The following PTPRE variants were observed in gnomAD, a reference collection of about 807,000 sequenced individuals.
The protein encoded by PTPRE is receptor-type tyrosine-protein phosphatase epsilon.
Under a neutral mutation model 102.0 loss-of-function variants are expected in PTPRE, and 51 were observed. The ratio of observed to expected loss-of-function variants is 0.50; its 90% CI spans 0.40 to 0.63. The LOEUF (loss-of-function observed/expected upper bound fraction) is 0.63. Ranked by LOEUF, PTPRE falls within the 30% of genes least tolerant of loss-of-function variation. The pLI, the probability that PTPRE is intolerant of heterozygous loss-of-function variation, is 0.00. For synonymous variants in PTPRE, 345 were observed against 348.2 expected, an observed-to-expected ratio of 0.99 and a Z score of 0.10; for missense variants, 752 against 915.1, an observed-to-expected ratio of 0.82 and a Z score of 2.30.
At chr10:128,055,930 G>A (rs965424585) in intron 6 of PTPRE, among the ~76,000 whole-genome samples, 193 bp from the exon 7 acceptor site, 2 of 152,194 alleles carry the variant, frequency 1.3e-5, no homozygotes, top group East Asian at 1.9e-4. Context: ...GAGCACCCTG[G>A]GGAAAGCCAG....
intron 1 of PTPRE, among the ~76,000 whole-genome samples, chr10:127,949,629 A>G (rs1209145054): frequency 6.6e-6 from 1 of 152,218 alleles, no homozygotes; most frequent in East Asian, 1.9e-4. Flanking sequence ...GGTTGCTCCT[A>G]GCACGGCTAA....
chr10:128,015,173 C>G (rs1467280199), intron 2 of PTPRE, among the ~76,000 whole-genome samples: 1 of 152,152 alleles, frequency 6.6e-6, no homozygotes, highest in Admixed American at 6.5e-5. Flanking sequence ...GCATTCATAG[C>G]AAAGACCTGT....
rs542469646 is a variant in PTPRE, at chr10:127,942,836, G to T, written c.-31+35527G>T. ...CAGTGTAAATGCACGTAATGCCCCT[G>T]AACTGTACACTCAAAAAGGGTTGAA... On this transcript the variant is annotated intron_variant, in intron 1 of 20. Coordinates refer to ENST00000254667, the MANE Select transcript of PTPRE (RefSeq NM_006504.6). Among the ~76,000 whole-genome samples the T allele has an allele frequency of 5.3e-5, 8 of 152,290 alleles. No homozygotes were observed. The South Asian group carries it at 1.7e-3, about 32-fold the overall frequency.
At chr10:128,020,022 C>CTGTGTGTGTG (rs34036600) in intron 2 of PTPRE, among the ~76,000 whole-genome samples, 1 of 150,696 alleles carries the variant, frequency 6.6e-6, no homozygotes, top group African/African-American at 2.4e-5. Context: ...AGGGTGGAGG[C>CTGTGTGTGTG]TGTGTGTGTG....
At chr10:127,909,505 G>A (rs12217409) in intron 1 of PTPRE, among the ~76,000 whole-genome samples, 32,597 of 152,002 alleles carry the variant, frequency 0.21, 3,847 homozygotes, top group African/African-American at 0.31. Context: ...GTTCTCCTCC[G>A]CAGCTGCCCA....
At chr10:128,071,993 T>G (rs1391884931) in intron 15 of PTPRE, 145 bp from the exon 16 acceptor site, 8 of 597,234 alleles carry the variant, frequency 1.3e-5, no homozygotes, top group Non-Finnish European at 2.3e-5. Flanking sequence ...AATTATCGTC[T>G]CTCATAACGT....
chr10:127,919,088 C>CT, intron 1 of PTPRE, among the ~76,000 whole-genome samples: 1 of 152,316 alleles, frequency 6.6e-6, no homozygotes, highest in Non-Finnish European at 1.5e-5. Flanking sequence ...AGGTACCATT[C>CT]TGTGCTGGGC....
At chr10:127,923,772 A>G (rs543373999) in intron 1 of PTPRE, among the ~76,000 whole-genome samples, 1 of 152,334 alleles carries the variant, frequency 6.6e-6, no homozygotes, top group East Asian at 1.9e-4. Flanking sequence ...TTAACACAGG[A>G]TTCAAACCAC....
intron 1 of PTPRE, among the ~76,000 whole-genome samples, chr10:127,982,024 G>A (rs746933657): frequency 1.8e-4 from 28 of 152,100 alleles, no homozygotes; most frequent in Non-Finnish European, 3.5e-4. Flanking sequence ...TTGGGGGCTA[G>A]GTCAGTGGCC....
chr10:128,016,483 T>A (rs1050701546), intron 2 of PTPRE, among the ~76,000 whole-genome samples: 85 of 146,082 alleles, frequency 5.8e-4, no homozygotes, highest in African/African-American at 2.1e-3. Context: ...CCTGGCCAAT[T>A]TTTTTTTTTT....
intron 2 of PTPRE, among the ~76,000 whole-genome samples, chr10:128,000,114 A>G (rs560914720): frequency 6.6e-6 from 1 of 152,174 alleles, no homozygotes; most frequent in Admixed American, 6.5e-5. Context: ...TAGGAATGTC[A>G]CAGCAGTTCT....
chr10:127,934,366 G>A (rs1847674712), intron 1 of PTPRE: 1 of 152,170 alleles, frequency 6.6e-6, no homozygotes, highest in African/African-American at 2.4e-5. Flanking sequence ...TGAAGAGAGA[G>A]TCAGACTCCC....
At chr10:127,985,544 A>G (rs911367298) in intron 2 of PTPRE, among the ~76,000 whole-genome samples, 2 of 152,108 alleles carry the variant, frequency 1.3e-5, no homozygotes, top group Middle Eastern at 3.2e-3. Context: ...GGATTGTGCC[A>G]CTGCACTCCA....
chr10:127,971,224 A>G (rs949965133), intron 1 of PTPRE, among the ~76,000 whole-genome samples: 2 of 152,224 alleles, frequency 1.3e-5, no homozygotes, highest in Non-Finnish European at 2.9e-5. Flanking sequence ...GCGCATTGGA[A>G]CAAATGGTTC....
rs534571788 is a variant in PTPRE, at chr10:128,054,043, A to G, written c.421-2080A>G. Reference sequence around the variant, plus strand: ...CCAAAGTGCTGGGATTACAGGTGTGAGTCACCACACCTGGCCTAATTTATC... The same window carrying G: ...CCAAAGTGCTGGGATTACAGGTGTGGGTCACCACACCTGGCCTAATTTATC... On this transcript the variant is annotated intron_variant, in intron 6 of 20. Coordinates refer to ENST00000254667, the MANE Select transcript of PTPRE (RefSeq NM_006504.6). 2.7e-4 allele frequency among the ~76,000 whole-genome samples: 41 copies of G among 152,294 alleles called. No individual in the cohort carries two copies. The South Asian group carries it at 8.1e-3, about 30-fold the overall frequency.
At chr10:128,002,634 A>G (rs960658773) in intron 2 of PTPRE, among the ~76,000 whole-genome samples, 13 of 140,794 alleles carry the variant, frequency 9.2e-5, no homozygotes, top group African/African-American at 3.4e-4. Context: ...AAATGATCTG[A>G]TGAATGATGC....
chr10:127,924,383 G>T (rs1846855403), intron 1 of PTPRE, among the ~76,000 whole-genome samples: 1 of 152,136 alleles, frequency 6.6e-6, no homozygotes, highest in South Asian at 2.1e-4. Flanking sequence ...CCACCACCGT[G>T]CCTGGCTAAT....
At chr10:128,032,970 T>C (rs1232967784) in intron 2 of PTPRE, among the ~76,000 whole-genome samples, 1 of 150,702 alleles carries the variant, frequency 6.6e-6, no homozygotes, top group Non-Finnish European at 1.5e-5. Context: ...CTGATTTTTT[T>C]CCAGAAAGTT....
In PTPRE at chr10:128,070,367, G is replaced by C; in HGVS notation, c.1210G>C (p.Val404Leu). 6.2e-7 allele frequency: 1 copy of C among 1,614,172 alleles called. No homozygotes were observed. Among genetic ancestry groups the C allele is most frequent in the Non-Finnish European group, 8.5e-7 (1 of 1,180,028 alleles). ...YYLYGDTELD[V>L]SSLEKHLQTM... ...CCTCTACGGGGACACAGAGCTGGAC[G>C]TGTCCTCCCTGGAGAAGCACCTGCA... Residue 404 changes from valine (V) to leucine (L), a missense_variant, in exon 14 of 21, where the codon GTG becomes CTG. Coordinates refer to ENST00000254667, the MANE Select transcript of PTPRE (RefSeq NM_006504.6). This position sits in a 1 kb window ranked among gnomAD's most constrained non-coding sequence, Gnocchi z 4.8.
Sources: gnomAD v4.1 joint callset for allele counts (sites outside exome capture counted in the v4.1 genomes callset) on GRCh38, gnomAD v4.1.1 for gene constraint, Gnocchi (gnomAD v3.1) non-coding constraint, MANE v1.5 for transcripts, NCBI Gene and HGNC (gene_info 2026-07-23, HGNC 2026-07-21) for gene names.